Variants in NSUN3 observed in about 807,000 individuals in gnomAD.
NSUN3 encodes the protein NOP2/Sun RNA methyltransferase 3.
Under a neutral mutation model 36.8 loss-of-function variants are expected in NSUN3, and 24 were observed. The observed-to-expected ratio is 0.65, with a 90% CI of 0.47 to 0.92. The LOEUF is 0.92. NSUN3 is among the 40% of genes least tolerant of loss of function. The probability of loss-of-function intolerance (pLI) is 0.00; values close to 1 mark genes in which losing one functional copy is unlikely to be tolerated. For missense variants in NSUN3, 381 were observed against 392.8 expected, an observed-to-expected ratio of 0.97 and a Z score of 0.25; for synonymous variants, 146 against 145.2, an observed-to-expected ratio of 1.01 and a Z score of -0.04.
At chr3:94,118,599 C>T (rs940994972) in intron 5 of NSUN3, among the ~76,000 whole-genome samples, 6 of 151,870 alleles carry the variant, frequency 4.0e-5, no homozygotes, top group Non-Finnish European at 7.4e-5. Context: ...AGCCAAGGGG[C>T]CATAGCTCAT....
At chr3:94,123,705 G>A (rs1020039527) in intron 5 of NSUN3, among the ~76,000 whole-genome samples, 4 of 151,950 alleles carry the variant, frequency 2.6e-5, no homozygotes, top group Admixed American at 6.6e-5. Flanking sequence ...ACTGACCTCC[G>A]CTTTCCTTGA....
chr3:94,072,540 G>A (rs1430565091), intron 2 of NSUN3, among the ~76,000 whole-genome samples: 8 of 152,150 alleles, frequency 5.3e-5, no homozygotes. Context: ...GACTTCGTTG[G>A]AGAGAGAAAA....
At chr3:94,074,696 G>T (rs2077239537) in intron 2 of NSUN3, among the ~76,000 whole-genome samples, 1 of 152,202 alleles carries the variant, frequency 6.6e-6, no homozygotes, top group Non-Finnish European at 1.5e-5. Context: ...AGCTTAAGGA[G>T]ATTTTGGGCT....
intron 5 of NSUN3, among the ~76,000 whole-genome samples, chr3:94,103,016 A>C (rs1345516397): frequency 6.6e-6 from 1 of 152,062 alleles, no homozygotes; most frequent in Non-Finnish European, 1.5e-5. Context: ...CCTCTCGAGT[A>C]GCTGGGATTA....
In NSUN3 at chr3:94,064,595, G is replaced by A. The variant is rs773812075; in HGVS notation, c.122+49G>A. ...TTTATGATGGAACAAAGTACAATATGTAGTCCTCCTTTTTGTGGGAGGGAT... is the reference window on the plus strand; with the variant it reads ...TTTATGATGGAACAAAGTACAATATATAGTCCTCCTTTTTGTGGGAGGGAT... On this transcript the variant is annotated intron_variant, in intron 2 of 5. Transcript: ENST00000314622. The A allele has an allele frequency of 1.6e-4, 181 of 1,146,044 alleles. 1 individual carries two copies. Among genetic ancestry groups the A allele is most frequent in the Non-Finnish European group, 1.9e-5 (15 of 771,316 alleles). The allele number at this position is 1,146,044 out of a possible 1,614,324, so 71.0% of individuals were successfully genotyped here.
intron 5 of NSUN3, among the ~76,000 whole-genome samples, chr3:94,099,714 C>G (rs1038319859): frequency 6.6e-6 from 1 of 150,534 alleles, no homozygotes; most frequent in Non-Finnish European, 1.5e-5. Flanking sequence ...CTGACATCTA[C>G]AAGTCTTGGG....
chr3:94,093,779 T>C lies in NSUN3; in HGVS notation c.467-361T>C, dbSNP rs1479215526. On this transcript the variant is annotated intron_variant, in intron 3 of 5. Coordinates refer to ENST00000314622, the MANE Select transcript of NSUN3 (RefSeq NM_022072.5). Reference sequence around the variant, plus strand: ...TGTTTACTCTTAAGCGTTAGTTCTTTAGAGTGAGAGCCATGTCTGAGGTAT... The same window carrying C: ...TGTTTACTCTTAAGCGTTAGTTCTTCAGAGTGAGAGCCATGTCTGAGGTAT... 2.0e-5 allele frequency among the ~76,000 whole-genome samples: 3 copies of C among 152,346 alleles called. No individual in the cohort carries two copies. In the East Asian group the frequency reaches 5.8e-4, roughly 29 times the overall value.
intron 5 of NSUN3, among the ~76,000 whole-genome samples, chr3:94,117,212 C>T (rs1251935742): frequency 6.6e-6 from 1 of 151,884 alleles, no homozygotes; most frequent in Non-Finnish European, 1.5e-5. Flanking sequence ...GTTGGCCAGG[C>T]TGGTCTTGAA....
At chr3:94,085,532 G>C (rs1052216013) in intron 3 of NSUN3, 1 of 152,334 alleles carries the variant, frequency 6.6e-6, no homozygotes, top group Non-Finnish European at 1.5e-5. Flanking sequence ...CAAGGCAGGC[G>C]GATCGCTTGA....
chr3:94,098,289 G>GC (rs1483862654), intron 5 of NSUN3, among the ~76,000 whole-genome samples: 1 of 152,076 alleles, frequency 6.6e-6, no homozygotes, highest in Non-Finnish European at 1.5e-5. Flanking sequence ...CCTAACCTAA[G>GC]CCACCAGTAT....
intron 3 of NSUN3, among the ~76,000 whole-genome samples, chr3:94,088,188 G>C (rs2077300309): frequency 6.6e-6 from 1 of 152,048 alleles, no homozygotes; most frequent in African/African-American, 2.4e-5. Flanking sequence ...CCCTGCATTA[G>C]GTTCATCTTC....
chr3:94,109,632 G>A (rs903840999), intron 5 of NSUN3, among the ~76,000 whole-genome samples: 13 of 152,174 alleles, frequency 8.5e-5, no homozygotes, highest in African/African-American at 2.7e-4. Flanking sequence ...TGATGTGAGC[G>A]ATCTGCAGAA....
At chr3:94,120,824 T>C (rs1344138859) in intron 5 of NSUN3, among the ~76,000 whole-genome samples, 2 of 152,172 alleles carry the variant, frequency 1.3e-5, no homozygotes, top group Non-Finnish European at 2.9e-5. Flanking sequence ...AATAACTTGA[T>C]TTTTAAGTTT....
rs2077506183 is a variant in NSUN3 at position 94,130,794 on chromosome 3, C to T, written c.*4304C>T. ...CCTCCAAATCCATTTCTCCAGAAAC[C>T]TCTTCCTAGCCACACAGTGGGAGCC... On this transcript the variant is annotated 3_prime_UTR_variant, in exon 6 of 6. Coordinates refer to ENST00000314622, the MANE Select transcript of NSUN3 (RefSeq NM_022072.5). Among the ~76,000 whole-genome samples, 1 of 152,194 alleles carries T rather than the reference C, an allele frequency of 6.6e-6. No individual in the cohort carries two copies. Among genetic ancestry groups the T allele is most frequent in the Non-Finnish European group, 1.5e-5 (1 of 68,034 alleles).
intron 5 of NSUN3, among the ~76,000 whole-genome samples, chr3:94,125,290 AC>A (rs1450045812): frequency 6.6e-6 from 1 of 152,158 alleles, no homozygotes. Context: ...CCTTGGTTAT[AC>A]ATTTTTATTT....
intron 4 of NSUN3, 50 bp downstream of exon 4, chr3:94,094,344 A>G (rs763257487): frequency 6.6e-7 from 1 of 1,523,282 alleles, no homozygotes; most frequent in Non-Finnish European, 9.0e-7. Context: ...TAATACCACT[A>G]TTATGTTGCT....
rs1186897851 is a variant in NSUN3, at chr3:94,084,292, A to T, written c.308A>T (p.Glu103Val). Residue 103 changes from glutamate (E) to valine (V), a missense_variant, in exon 3 of 6, where the codon GAA (glutamate) becomes GTA (valine). Physicochemically the swap from Glu to Val is moderately radical, Grantham distance 121. Transcript: ENST00000314622. ...AGAACTCCGGGCCGAATCCCTTCAG[A>T]AAGACACCAAATTGGAAACCTGAAA... ...LSRTPGRIPS[E>V]RHQIGNLKKY... 3 of 1,614,148 alleles carry T rather than the reference A, an allele frequency of 1.9e-6. No homozygotes were observed.
intron 5 of NSUN3, among the ~76,000 whole-genome samples, chr3:94,121,842 T>A (rs1029093135): frequency 6.6e-6 from 1 of 152,180 alleles, no homozygotes; most frequent in Non-Finnish European, 1.5e-5. Context: ...ACAGTCAAAA[T>A]TTTTAAAAAT....
At chr3:94,065,456 A>G (rs2077200597) in intron 2 of NSUN3, among the ~76,000 whole-genome samples, 1 of 152,206 alleles carries the variant, frequency 6.6e-6, no homozygotes, top group Non-Finnish European at 1.5e-5. Context: ...ATGTTGCATG[A>G]GGAAAAAAAG....
Sources: allele counts gnomAD v4.1 joint callset (sites outside exome capture counted in the v4.1 genomes callset), GRCh38; gene constraint gnomAD v4.1.1; transcripts MANE v1.5; gene names NCBI Gene and HGNC (gene_info 2026-07-23, HGNC 2026-07-21).